The following HYCC2 variants were observed in gnomAD, a reference collection of about 807,000 sequenced individuals.
The protein encoded by HYCC2 is hyccin 2.
At chr2:201,020,173 A>C in the HYCC2 span, among the ~76,000 whole-genome samples, 65 of 152,256 alleles carry the variant, frequency 4.3e-4, no homozygotes, top group African/African-American at 1.3e-3. Flanking sequence ...TCTTAATATA[A>C]ATGATTCTGA....
At chr2:201,030,144 T>C in the HYCC2 span, among the ~76,000 whole-genome samples, 1 of 152,148 alleles carries the variant, frequency 6.6e-6, no homozygotes, top group African/African-American at 2.4e-5. Flanking sequence ...AAGGACATAC[T>C]TTCCAAAATA....
At chr2:201,038,615 C>G in the HYCC2 span, among the ~76,000 whole-genome samples, 2 of 152,120 alleles carry the variant, frequency 1.3e-5, no homozygotes, top group Non-Finnish European at 2.9e-5. Context: ...AAGCTGGAAA[C>G]CATCATTCTC....
At chr2:201,003,829 T>TTTTTTG in the HYCC2 span, among the ~76,000 whole-genome samples, 1 of 126,248 alleles carries the variant, frequency 7.9e-6, no homozygotes, top group Admixed American at 7.7e-5. Flanking sequence ...TTTTTTTTTT[T>TTTTTTG]GAGATGGATT....
the HYCC2 span, among the ~76,000 whole-genome samples, chr2:201,045,173 G>A: frequency 3.2e-3 from 494 of 152,218 alleles, 2 homozygotes; most frequent in African/African-American, 0.011. Context: ...TATATTGGAC[G>A]GCACAGATAT....
At chr2:200,998,245 T>C in the HYCC2 span, among the ~76,000 whole-genome samples, 3 of 152,344 alleles carry the variant, frequency 2.0e-5, no homozygotes, top group South Asian at 2.1e-4. Flanking sequence ...TACCACACTT[T>C]ATCAATCTTC....
the HYCC2 span, among the ~76,000 whole-genome samples, chr2:201,062,799 C>G: frequency 6.7e-6 from 1 of 150,302 alleles, no homozygotes; most frequent in Non-Finnish European, 1.5e-5. Context: ...GCCTGGGCAA[C>G]AGAGTGAGAC....
At chr2:201,067,031 G>A in the HYCC2 span, 2 of 349,502 alleles carry the variant, frequency 5.7e-6, no homozygotes, top group African/African-American at 2.2e-5. Context: ...GGATGTTAAA[G>A]CCAACAAGCA....
chr2:201,034,296 TG>T, the HYCC2 span, among the ~76,000 whole-genome samples: 2 of 152,336 alleles, frequency 1.3e-5, no homozygotes, highest in South Asian at 4.1e-4. Flanking sequence ...GCTTCTGTTT[TG>T]GGTGCATATA....
At chr2:201,023,330 C>T in the HYCC2 span, among the ~76,000 whole-genome samples, 2 of 151,294 alleles carry the variant, frequency 1.3e-5, no homozygotes, top group African/African-American at 2.4e-5. Flanking sequence ...GCCTGGGTGA[C>T]AGAGCGAGAC....
the HYCC2 span, among the ~76,000 whole-genome samples, chr2:201,010,678 C>T: frequency 6.6e-6 from 1 of 151,668 alleles, no homozygotes; most frequent in African/African-American, 2.4e-5. Context: ...TAGTTATTTT[C>T]CTAGAATAAT....
the HYCC2 span, among the ~76,000 whole-genome samples, chr2:201,029,073 T>C: frequency 1.3e-5 from 2 of 152,144 alleles, no homozygotes; most frequent in Admixed American, 1.3e-4. Context: ...AAAGGGCTAA[T>C]ATCCAGAATC....
chr2:201,064,038 G>A, the HYCC2 span: 1 of 1,593,730 alleles, frequency 6.3e-7, no homozygotes, highest in South Asian at 1.1e-5. Context: ...TATGGCAGTG[G>A]CAGAAGATTT....
the HYCC2 span, among the ~76,000 whole-genome samples, chr2:201,042,325 G>C: frequency 1.2e-4 from 19 of 152,214 alleles, no homozygotes; most frequent in African/African-American, 4.6e-4. Context: ...CCTCCCAGCC[G>C]CCTGCCTTGG....
chr2:201,004,886 G>A, the HYCC2 span, among the ~76,000 whole-genome samples: 8 of 151,922 alleles, frequency 5.3e-5, no homozygotes, highest in Admixed American at 6.6e-5. Context: ...GCATGGTGGC[G>A]GGCGCCTGTA....
the HYCC2 span, among the ~76,000 whole-genome samples, chr2:201,004,255 G>A: frequency 6.6e-6 from 1 of 152,208 alleles, no homozygotes; most frequent in East Asian, 1.9e-4. Context: ...ATGGGAATTT[G>A]AAGCGTGCAT....
At chr2:200,981,057 A>C in the HYCC2 span, 1 of 618,000 alleles carries the variant, frequency 1.6e-6, no homozygotes, top group Non-Finnish European at 2.8e-6. This position sits in a 1 kb window ranked among gnomAD's most constrained non-coding sequence, Gnocchi z 4.5. Flanking sequence ...TCACAAACAC[A>C]TTTACAAGGG....
the HYCC2 span, among the ~76,000 whole-genome samples, chr2:201,043,812 A>G: frequency 1.3e-5 from 2 of 152,114 alleles, no homozygotes; most frequent in Non-Finnish European, 2.9e-5. Context: ...CTGGCCAAAC[A>G]TGTATTTTCT....
chr2:200,992,941 A>G, the HYCC2 span: 1 of 1,614,022 alleles, frequency 6.2e-7, no homozygotes, highest in South Asian at 1.1e-5. Flanking sequence ...ATCCAATACT[A>G]TTCGACCACA....
At chr2:201,018,839 T>A in the HYCC2 span, among the ~76,000 whole-genome samples, 1 of 151,898 alleles carries the variant, frequency 6.6e-6, no homozygotes, top group Non-Finnish European at 1.5e-5. Context: ...AAAAGAAAAA[T>A]ATTCCAACTC....
Sources: allele counts gnomAD v4.1 joint callset (sites outside exome capture counted in the v4.1 genomes callset), GRCh38; gene constraint gnomAD v4.1.1; non-coding constraint Gnocchi (gnomAD v3.1); transcripts MANE v1.5; gene names NCBI Gene and HGNC (gene_info 2026-07-23, HGNC 2026-07-21).